ZNF827: variants seen among roughly 807,000 people sequenced by gnomAD.
ZNF827 encodes the protein zinc finger protein 827.
Under a neutral mutation model 102.4 loss-of-function variants are expected in ZNF827, and 13 were observed. That is an observed-to-expected ratio of 0.13 (90% CI 0.08 to 0.20). The LOEUF (loss-of-function observed/expected upper bound fraction) is 0.20, where lower values mean the gene tolerates loss of function less well. Among genes scored for constraint, ZNF827 ranks in the 10% least tolerant of loss-of-function variants. The pLI is 1.00. For missense variants in ZNF827, 1,103 were observed against 1,344.4 expected (o/e 0.82, Z 2.81); for synonymous variants, 523 against 536.2 (o/e 0.98, Z 0.34).
intron 1 of ZNF827, among the ~76,000 whole-genome samples, chr4:145,923,027 G>A (rs1428256267): frequency 1.3e-5 from 2 of 152,070 alleles, no homozygotes; most frequent in Non-Finnish European, 2.9e-5. Flanking sequence ...ACATTTGGTA[G>A]ATCTACATAA....
chr4:145,835,954 C>T (rs1306642995), intron 7 of ZNF827, among the ~76,000 whole-genome samples: 1 of 151,266 alleles, frequency 6.6e-6, no homozygotes, highest in African/African-American at 2.4e-5. Context: ...CTCTCCTATC[C>T]TCAATACCTG....
intron 1 of ZNF827, among the ~76,000 whole-genome samples, chr4:145,933,123 C>G (rs1220977156): frequency 6.6e-6 from 1 of 152,178 alleles, no homozygotes; most frequent in African/African-American, 2.4e-5. Context: ...TTATTAGAAA[C>G]TATTTTGAAG....
chr4:145,878,799 G>C (rs982169059), intron 4 of ZNF827, among the ~76,000 whole-genome samples: 1 of 151,706 alleles, frequency 6.6e-6, no homozygotes, highest in African/African-American at 2.4e-5. Flanking sequence ...AAGGAAAAGA[G>C]CTAGCCAGAC....
chr4:145,862,807 T>C (rs1211029043), intron 5 of ZNF827, among the ~76,000 whole-genome samples: 1 of 152,210 alleles, frequency 6.6e-6, no homozygotes, highest in Non-Finnish European at 1.5e-5. Flanking sequence ...CCTTTTAATA[T>C]TAAACAAGTC....
intron 8 of ZNF827, among the ~76,000 whole-genome samples, chr4:145,801,057 AC>A (rs1740855856): frequency 6.6e-6 from 1 of 152,210 alleles, no homozygotes; most frequent in African/African-American, 2.4e-5. Context: ...AAGAAAATTC[AC>A]AAGGTAGTAA....
intron 8 of ZNF827, 109 bp from the exon 9 acceptor site, chr4:145,779,620 G>T: frequency 6.9e-7 from 1 of 1,439,280 alleles, no homozygotes. Context: ...AATGTGGCTA[G>T]TAATTGCAAA....
chr4:145,909,309 G>A (rs968817755), intron 1 of ZNF827, among the ~76,000 whole-genome samples: 1 of 152,166 alleles, frequency 6.6e-6, no homozygotes, highest in South Asian at 2.1e-4. Flanking sequence ...CAGCAGGACC[G>A]CATGAAGCAA....
rs754308640 is a variant in ZNF827 at position 145,938,339 on chromosome 4, G to A, written c.43+26C>T. 3 of 1,613,688 alleles carry A rather than the reference G, an allele frequency of 1.9e-6. No homozygotes were observed. The Admixed American group carries it at 5.0e-5, about 27-fold the overall frequency. On this transcript the variant is annotated intron_variant, in intron 1 of 14. Transcript: ENST00000508784. ...GAGGGAGGGCGAGAAAATGGCACGA[G>A]AGGAGGTGGAGAAGGGATGACTTAC...
At chr4:145,815,121 T>G (rs1437615142) in intron 8 of ZNF827, among the ~76,000 whole-genome samples, 1 of 152,134 alleles carries the variant, frequency 6.6e-6, no homozygotes, top group Non-Finnish European at 1.5e-5. Context: ...CACTGATTGA[T>G]GTTTTTGGAG....
At chr4:145,846,682 T>C (rs1372234775) in intron 6 of ZNF827, among the ~76,000 whole-genome samples, 1 of 135,824 alleles carries the variant, frequency 7.4e-6, no homozygotes, top group Non-Finnish European at 1.5e-5. Context: ...CAGGGCATGA[T>C]GGCGCGTGCC....
intron 7 of ZNF827, among the ~76,000 whole-genome samples, chr4:145,845,653 T>C (rs1745860142): frequency 6.6e-6 from 1 of 152,304 alleles, no homozygotes; most frequent in South Asian, 2.1e-4. Flanking sequence ...AGGAGACTTC[T>C]GCAGAGAGGA....
rs545251511 is a variant in ZNF827 at position 145,775,988 on chromosome 4, CAA to C, written c.2522-30_2522-29del. The C allele has an allele frequency of 9.1e-5, 147 of 1,613,590 alleles. No individual in the cohort carries two copies. In the African/African-American group the frequency reaches 1.8e-3, roughly 20 times the overall value. ...GGGGGAGAAGGAACAGGAAAAAGCC[CAA>C]ATCGCTTTCAAAAAAGGAAGTCCCA... On this transcript the variant is annotated intron_variant, in intron 9 of 14. Transcript: ENST00000508784.
intron 4 of ZNF827, among the ~76,000 whole-genome samples, chr4:145,878,567 C>T (rs1301951947): frequency 1.7e-5 from 2 of 115,518 alleles, no homozygotes; most frequent in Non-Finnish European, 3.5e-5. Flanking sequence ...CAAGACAGGA[C>T]AGGACAGGAC....
chr4:145,805,125 TTGTGTGTGTGTGTG>T (rs35536912), intron 8 of ZNF827, among the ~76,000 whole-genome samples: 9 of 148,270 alleles, frequency 6.1e-5, no homozygotes, highest in South Asian at 4.3e-4. Flanking sequence ...GCAATTCCTT[TTGTGTGTGTGTGTG>T]TGTGTGTGTG....
chr4:145,914,724 A>C (rs1490187438), intron 1 of ZNF827, among the ~76,000 whole-genome samples: 1 of 152,256 alleles, frequency 6.6e-6, no homozygotes, highest in Non-Finnish European at 1.5e-5. Context: ...TTCCCTTAAC[A>C]ACTCAAGTCC....
chr4:145,811,581 A>G (rs1742014087), intron 8 of ZNF827, among the ~76,000 whole-genome samples: 1 of 152,204 alleles, frequency 6.6e-6, no homozygotes, highest in Non-Finnish European at 1.5e-5. Context: ...AAGACCTTGG[A>G]AGTGCCAGGA....
In ZNF827 at chr4:145,913,425, CA is replaced by C. The variant is rs775706430; in HGVS notation, c.44-10211del. Among the ~76,000 whole-genome samples the C allele has an allele frequency of 1.1e-3, 82 of 73,324 alleles. 1 individual carries two copies. Among genetic ancestry groups the C allele is most frequent in the African/African-American group, 1.8e-3 (34 of 19,424 alleles). The allele number at this position is 73,324 out of a possible 152,430, so 48.1% of individuals were successfully genotyped here. The stretch of plus-strand genomic sequence containing the variant: ...TGGGCAACAGAGTGAGACCCTGTCT[CA>C]AAAAAAAAAAAAAAAAAAAAAGACA... On this transcript the variant is annotated intron_variant, in intron 1 of 14. Coordinates refer to ENST00000508784, the MANE Select transcript of ZNF827 (RefSeq NM_001306215.2).
intron 8 of ZNF827, among the ~76,000 whole-genome samples, chr4:145,818,565 T>A (rs1335833605): frequency 6.6e-6 from 1 of 151,994 alleles, no homozygotes; most frequent in Non-Finnish European, 1.5e-5. Context: ...TGTTCTATTG[T>A]TTATCTATGA....
At chr4:145,810,080 C>G (rs994363472) in intron 8 of ZNF827, among the ~76,000 whole-genome samples, 3 of 152,196 alleles carry the variant, frequency 2.0e-5, no homozygotes, top group Non-Finnish European at 4.4e-5. Flanking sequence ...GTATAAATTA[C>G]TTGACATGCC....
Sources: allele counts gnomAD v4.1 joint callset (sites outside exome capture counted in the v4.1 genomes callset), GRCh38; gene constraint gnomAD v4.1.1; transcripts MANE v1.5; gene names NCBI Gene and HGNC (gene_info 2026-07-23, HGNC 2026-07-21).